Variants in CREB5 observed in about 807,000 individuals in gnomAD.
CREB5 encodes cyclic AMP-responsive element-binding protein 5.
A neutral mutation model predicts 57.1 loss-of-function variants in CREB5; 19 were observed. That is an observed-to-expected ratio of 0.33 (90% CI 0.23 to 0.49). The LOEUF (loss-of-function observed/expected upper bound fraction) is 0.49, where lower values mean the gene tolerates loss of function less well. Among genes scored for constraint, CREB5 ranks in the 20% least tolerant of loss-of-function variants. The pLI, the probability that CREB5 is intolerant of heterozygous loss-of-function variation, is 0.99. For missense variants in CREB5, 579 were observed against 671.6 expected (o/e 0.86, Z 1.52); for synonymous variants, 238 against 238.3 (o/e 1.00, Z 0.01).
rs1343041470 is a variant in CREB5, at chr7:28,466,153, A to G, written c.4-22022A>G. Among the ~76,000 whole-genome samples, 3 of 149,004 alleles carry G rather than the reference A, an allele frequency of 2.0e-5. No homozygotes were observed. In the East Asian group the frequency reaches 6.1e-4, roughly 30 times the overall value. ...CTTATGTTTCTCTTGCGGTCTTTCT[A>G]GTAAATTCCATCCAGTTTTTACCCA... On this transcript the variant is annotated intron_variant, in intron 1 of 10. Transcript: ENST00000357727.
intron 1 of CREB5, among the ~76,000 whole-genome samples, chr7:28,355,542 G>A (rs1257567971): frequency 6.6e-6 from 1 of 152,132 alleles, no homozygotes; most frequent in Non-Finnish European, 1.5e-5. Context: ...ATTAAACACA[G>A]CAGTGGAGCC....
intron 5 of CREB5, among the ~76,000 whole-genome samples, chr7:28,610,867 T>A (rs1797355533): frequency 6.6e-6 from 1 of 151,830 alleles, no homozygotes; most frequent in Non-Finnish European, 1.5e-5. Context: ...TGTTTTTTGT[T>A]CTTTGGTTTG....
intron 7 of CREB5, 22 bp from the exon 8 acceptor site, chr7:28,804,174 TCTC>T (rs775933589): frequency 2.5e-6 from 4 of 1,601,090 alleles, no homozygotes; most frequent in African/African-American, 1.3e-5. Flanking sequence ...AGTTGTTCTC[TCTC>T]CTCCCTTTTG....
chr7:28,427,468 G>T (rs1187298237), intron 1 of CREB5, among the ~76,000 whole-genome samples: 1 of 152,138 alleles, frequency 6.6e-6, no homozygotes, highest in Non-Finnish European at 1.5e-5. Context: ...TGTATACTCT[G>T]ACGACATTAA....
At chr7:28,617,191 G>A (rs1282400649) in intron 5 of CREB5, among the ~76,000 whole-genome samples, 7 of 152,210 alleles carry the variant, frequency 4.6e-5, no homozygotes, top group African/African-American at 9.6e-5. Context: ...ATCCCTGGGA[G>A]GGAAGAGCAA....
intron 5 of CREB5, among the ~76,000 whole-genome samples, chr7:28,638,308 C>G (rs1200179478): frequency 6.7e-6 from 1 of 149,960 alleles, no homozygotes; most frequent in Non-Finnish European, 1.5e-5. Context: ...CACACACACA[C>G]ACAGTGAGGG....
At chr7:28,571,783 G>A (rs563321519) in intron 5 of CREB5, among the ~76,000 whole-genome samples, 233 of 152,264 alleles carry the variant, frequency 1.5e-3, no homozygotes, top group Middle Eastern at 3.4e-3. Flanking sequence ...TGAAATAAAA[G>A]ATTTAAGAGC....
Position 28,822,116 on chromosome 7 carries a change from G to A in CREB5, c.*2837G>A, listed in dbSNP as rs1400158510. 1 of 152,222 alleles carries A rather than the reference G, an allele frequency of 6.6e-6. No homozygotes were observed. The highest frequency in any genetic ancestry group is 1.5e-5 in the Non-Finnish European group (1 of 68,032). The allele number at this position is 152,222 out of a possible 1,614,324, so 9.4% of individuals were successfully genotyped here. On this transcript the variant is annotated 3_prime_UTR_variant, in exon 11 of 11. Coordinates refer to ENST00000357727, the MANE Select transcript of CREB5 (RefSeq NM_182898.4). ...TATGTCTGTTTTTTATGCTAAGTAGGAAAACCAACCACACACATTAGCAAA... is the reference window on the plus strand; with the variant it reads ...TATGTCTGTTTTTTATGCTAAGTAGAAAAACCAACCACACACATTAGCAAA...
At chr7:28,723,715 G>C (rs964252444) in intron 6 of CREB5, among the ~76,000 whole-genome samples, 4 of 152,046 alleles carry the variant, frequency 2.6e-5, no homozygotes, top group African/African-American at 9.7e-5. Context: ...TTGCCCAAAA[G>C]ATTTATGTTT....
At chr7:28,568,926 A>AT (rs1478019202) in intron 4 of CREB5, among the ~76,000 whole-genome samples, 1 of 152,110 alleles carries the variant, frequency 6.6e-6, no homozygotes, top group Non-Finnish European at 1.5e-5. Flanking sequence ...GGTAACATTT[A>AT]TTTTTTCTTT....
chr7:28,333,077 A>G (rs1785746490), intron 1 of CREB5, among the ~76,000 whole-genome samples: 1 of 152,232 alleles, frequency 6.6e-6, no homozygotes, highest in Non-Finnish European at 1.5e-5. Context: ...GTAATTAACT[A>G]AAACCCCTAC....
chr7:28,592,557 CA>C (rs1354795065), intron 5 of CREB5, among the ~76,000 whole-genome samples: 1 of 152,140 alleles, frequency 6.6e-6, no homozygotes, highest in Non-Finnish European at 1.5e-5. Context: ...AGTGGCTCTA[CA>C]TCACCCCCAC....
chr7:28,733,752 T>G (rs1803804438), intron 7 of CREB5, among the ~76,000 whole-genome samples: 1 of 152,156 alleles, frequency 6.6e-6, no homozygotes. Flanking sequence ...TGTCCCCAGT[T>G]TGCCATCTCT....
intron 4 of CREB5, among the ~76,000 whole-genome samples, chr7:28,553,796 C>T (rs1355061410): frequency 6.6e-6 from 1 of 152,226 alleles, no homozygotes; most frequent in Non-Finnish European, 1.5e-5. Context: ...GACTGGGACT[C>T]AGCCTTATAA....
At chr7:28,740,444 A>G (rs1164800168) in intron 7 of CREB5, among the ~76,000 whole-genome samples, 2 of 152,158 alleles carry the variant, frequency 1.3e-5, no homozygotes, top group East Asian at 3.8e-4. Flanking sequence ...TTGGTCCTCC[A>G]TTTCTAGGGG....
chr7:28,528,439 T>C (rs769346098), intron 4 of CREB5, among the ~76,000 whole-genome samples: 26 of 152,360 alleles, frequency 1.7e-4, no homozygotes, highest in South Asian at 1.0e-3. Context: ...GTGCAGTGGC[T>C]CACGCCTGTA....
At chr7:28,516,547 T>C (rs759363268) in intron 4 of CREB5, among the ~76,000 whole-genome samples, 4 of 152,164 alleles carry the variant, frequency 2.6e-5, no homozygotes, top group African/African-American at 4.8e-5. Flanking sequence ...AGCTGCAGCC[T>C]GTAAGGGCCA....
At chr7:28,396,801 C>T in intron 1 of CREB5, among the ~76,000 whole-genome samples, 1 of 152,094 alleles carries the variant, frequency 6.6e-6, no homozygotes, top group South Asian at 2.1e-4. Context: ...AAAATAAAGC[C>T]ATAAGTTCTG....
intron 1 of CREB5, among the ~76,000 whole-genome samples, chr7:28,414,139 C>T (rs1787927829): frequency 6.6e-6 from 1 of 151,864 alleles, no homozygotes; most frequent in Non-Finnish European, 1.5e-5. Context: ...TTATTTTTGT[C>T]ATCTTTTCTT....
Sources: gnomAD v4.1 joint callset for allele counts (sites outside exome capture counted in the v4.1 genomes callset) on GRCh38, gnomAD v4.1.1 for gene constraint, MANE v1.5 for transcripts, NCBI Gene and HGNC (gene_info 2026-07-23, HGNC 2026-07-21) for gene names.